The following PSME4 variants were observed in gnomAD, a reference collection of about 807,000 sequenced individuals.
The protein encoded by PSME4 is proteasome activator subunit 4.
PSME4 carries 89 observed loss-of-function variants against 253.9 expected under a neutral mutation model. That is an observed-to-expected ratio of 0.35 (90% CI 0.30 to 0.42). The LOEUF is 0.42. PSME4 is among the 10% of genes least tolerant of loss of function. The pLI is 1.00. For missense variants in PSME4, 2,014 were observed against 2,195.2 expected (o/e 0.92, Z 1.65); for synonymous variants, 851 against 759.2 (o/e 1.12, Z -1.99).
chr2:53,953,970 C>T (rs551464752), intron 1 of PSME4, among the ~76,000 whole-genome samples: 1 of 152,370 alleles, frequency 6.6e-6, no homozygotes, highest in South Asian at 2.1e-4. Context: ...AATAGCATTT[C>T]CAGCCGCTTC....
At chr2:53,950,841 C>CAAAAA (rs77155080) in intron 1 of PSME4, among the ~76,000 whole-genome samples, 1 of 71,404 alleles carries the variant, frequency 1.4e-5, no homozygotes, top group Non-Finnish European at 2.6e-5. Context: ...AACTCCGTCT[C>CAAAAA]AAAAAAAAAA....
At chr2:53,968,265 A>G (rs1446017589) in intron 1 of PSME4, among the ~76,000 whole-genome samples, 1 of 138,704 alleles carries the variant, frequency 7.2e-6, no homozygotes, top group Non-Finnish European at 1.6e-5. Flanking sequence ...ACAAAGCAAG[A>G]CTCCACCTCA....
In PSME4 at chr2:53,941,211, C is replaced by T. The variant is rs1047022919; in HGVS notation, c.501-1211G>A. Reference sequence around the variant, plus strand: ...AAAACTATAATCTCATTACTTGGAGCAGTAGAAATCCTCTTTAATTTCAAA... The same window carrying T: ...AAAACTATAATCTCATTACTTGGAGTAGTAGAAATCCTCTTTAATTTCAAA... On this transcript the variant is annotated intron_variant, in intron 3 of 46. Transcript: ENST00000404125. 1.6e-4 allele frequency among the ~76,000 whole-genome samples: 23 copies of T among 144,782 alleles called. No homozygotes were observed. In the Admixed American group the frequency reaches 1.7e-3, roughly 11 times the overall value. 95.0% of individuals were successfully genotyped at this position (144,782 alleles called of 152,430 possible).
intron 1 of PSME4, among the ~76,000 whole-genome samples, chr2:53,969,692 T>G (rs1319889051): frequency 2.6e-5 from 4 of 151,826 alleles, no homozygotes; most frequent in African/African-American, 4.8e-5. Flanking sequence ...CACTCGTTTT[T>G]TTTTTTTTTT....
Position 53,970,605 on chromosome 2 carries a change from G to T in PSME4, c.180C>A (p.Gly60=). 1 of 1,549,670 alleles carries T rather than the reference G, an allele frequency of 6.5e-7. No homozygotes were observed. The highest frequency in any genetic ancestry group is 1.8e-4 in the Middle Eastern group (1 of 5,496). The change falls in exon 1 of 47, where the codon GGC becomes GGA. Residue 60 remains glycine, a synonymous_variant. Transcript: ENST00000404125. ...ACAGCTCTTGGAGCTGCACGGCCCGGCCCAGGTTGCATTTGATCTGGGCCA... is the reference window on the plus strand; with the variant it reads ...ACAGCTCTTGGAGCTGCACGGCCCGTCCCAGGTTGCATTTGATCTGGGCCA... ...LQLAQIKCNL[G]RAVQLQELWP...
Position 53,885,732 on chromosome 2 carries a change from T to C in PSME4, c.4773A>G (p.Thr1591=). 6.2e-7 allele frequency: 1 copy of C among 1,613,458 alleles called. No individual in the cohort carries two copies. Among genetic ancestry groups the C allele is most frequent in the Non-Finnish European group, 8.5e-7 (1 of 1,179,502 alleles). Reference sequence around the variant, plus strand: ...GAAGCTGAAGTTGTTCTGTAACTGCTGTAGAAAAGGATCTTCCTGCACTTG... The same window carrying C: ...GAAGCTGAAGTTGTTCTGTAACTGCCGTAGAAAAGGATCTTCCTGCACTTG... ...LMASAGRSFS[T]AVTEQLQLLP... is the part of the protein sequence containing the mutation. Residue 1591 remains threonine, a synonymous_variant, in exon 41 of 47, where the codon ACA becomes ACG. Transcript: ENST00000404125.
chr2:53,930,859 C>A (rs184776423), intron 10 of PSME4, among the ~76,000 whole-genome samples: 58 of 152,304 alleles, frequency 3.8e-4, no homozygotes, highest in Admixed American at 1.2e-3. Context: ...ACTAACATTC[C>A]TCCTCTATAT....
chr2:53,964,018 T>C (rs528294263), intron 1 of PSME4, among the ~76,000 whole-genome samples: 1 of 152,098 alleles, frequency 6.6e-6, no homozygotes. Context: ...TTTTTCATAA[T>C]AAAAAATATG....
At chr2:53,912,965 C>G (rs1573273122) in intron 20 of PSME4, among the ~76,000 whole-genome samples, 1 of 152,196 alleles carries the variant, frequency 6.6e-6, no homozygotes, top group East Asian at 1.9e-4. Flanking sequence ...TCTTACAGAT[C>G]TATATTCTGA....
chr2:53,895,211 A>T, intron 33 of PSME4, 135 bp from the exon 34 acceptor site: 1 of 674,134 alleles, frequency 1.5e-6, no homozygotes, highest in Non-Finnish European at 2.5e-6. Context: ...CAGCAGTAAC[A>T]GTCTAGGCCT....
chr2:53,892,109 T>C (rs1408410754), intron 36 of PSME4, among the ~76,000 whole-genome samples: 4 of 152,176 alleles, frequency 2.6e-5, no homozygotes, highest in East Asian at 1.9e-4. Flanking sequence ...ATGTAACGGA[T>C]GACAAGAATA....
chr2:53,894,879 G>A, intron 34 of PSME4, 128 bp downstream of exon 34: 1 of 722,748 alleles, frequency 1.4e-6, no homozygotes, highest in Non-Finnish European at 2.3e-6. Context: ...CAATATTTAT[G>A]CAGTGCTATA....
chr2:53,948,297 C>G, intron 3 of PSME4, 124 bp downstream of exon 3: 1 of 684,910 alleles, frequency 1.5e-6, no homozygotes, highest in East Asian at 2.5e-5. Flanking sequence ...TCAAATTACA[C>G]AGAAATAGGC....
At chr2:53,953,407 T>C (rs1290199758) in intron 1 of PSME4, among the ~76,000 whole-genome samples, 1 of 150,624 alleles carries the variant, frequency 6.6e-6, no homozygotes, top group East Asian at 2.0e-4. Flanking sequence ...CCCAGCACTT[T>C]GGGAGGCGAA....
chr2:53,940,964 T>TATATATACATATTTAA (rs1669405719), intron 3 of PSME4, among the ~76,000 whole-genome samples: 6 of 46,316 alleles, frequency 1.3e-4, no homozygotes, highest in South Asian at 9.5e-4. Flanking sequence ...TATATATATA[T>TATATATACATATTTAA]ATATATATAT....
At chr2:53,894,768 C>T (rs1208422457) in intron 34 of PSME4, among the ~76,000 whole-genome samples, 3 of 152,076 alleles carry the variant, frequency 2.0e-5, no homozygotes, top group East Asian at 1.9e-4. Flanking sequence ...CAGTAGCCAA[C>T]GGAGGGCTGA....
In PSME4 at chr2:53,896,875, G is replaced by A; in HGVS notation, c.3617C>T (p.Ser1206Leu). 1 of 1,610,784 alleles carries A rather than the reference G, an allele frequency of 6.2e-7. No individual in the cohort carries two copies. Among genetic ancestry groups the A allele is most frequent in the African/African-American group, 1.3e-5 (1 of 74,932 alleles). ...CTGTTTAAGGATACCAGCAACAGCT[G>A]AGATAGCCATCTAGAAAAGGAAAAA... The part of the protein sequence containing the change: ...DAIVVRKMAI[S>L]AVAGILKQLK... The change falls in exon 32 of 47, where the codon TCA (serine) becomes TTA (leucine). Residue 1206 changes from serine (S) to leucine (L), a missense_variant. This residue lies in a region of PSME4 where 989 missense variants were observed against 1,021.1 expected (regional missense o/e 0.97). Transcript: ENST00000404125.
chr2:53,877,247 C>CAA (rs1204678801), intron 41 of PSME4, among the ~76,000 whole-genome samples: 702 of 50,182 alleles, frequency 0.014, 11 homozygotes, highest in Non-Finnish European at 0.019. Context: ...CCTGCCTCTA[C>CAA]AAAAAAAAAA....
chr2:53,904,818 G>C (rs938679751), intron 26 of PSME4, among the ~76,000 whole-genome samples: 3 of 151,398 alleles, frequency 2.0e-5, no homozygotes, highest in African/African-American at 7.3e-5. Context: ...GTGAAACCCC[G>C]TCTCTACTAA....
Sources: allele counts gnomAD v4.1 joint callset (sites outside exome capture counted in the v4.1 genomes callset), GRCh38; gene constraint gnomAD v4.1.1; regional missense constraint gnomAD v4.1.1; transcripts MANE v1.5; gene names NCBI Gene and HGNC (gene_info 2026-07-23, HGNC 2026-07-21).